The following CCDC141 variants were observed in gnomAD, a reference collection of about 807,000 sequenced individuals.
CCDC141 encodes the protein coiled-coil domain-containing protein 141.
In CCDC141, 168 loss-of-function variants were observed where a neutral mutation model predicts 181.0. That is an observed-to-expected ratio of 0.93 (90% CI 0.82 to 1.05). CCDC141 has a LOEUF of 1.05. CCDC141 is among the 50% of genes least tolerant of loss of function. The pLI, the probability that CCDC141 is intolerant of heterozygous loss-of-function variation, is 0.00. For synonymous variants in CCDC141, 666 were observed against 642.3 expected (o/e 1.04, Z -0.56); for missense variants, 1,902 against 1,788.5 (o/e 1.06, Z -1.14).
intron 6 of CCDC141, among the ~76,000 whole-genome samples, chr2:178,920,861 G>T (rs987706401): frequency 1.3e-5 from 2 of 152,124 alleles, no homozygotes; most frequent in African/African-American, 2.4e-5. Context: ...ATGAATACAG[G>T]AGTATAAAAT....
chr2:178,933,912 G>C (rs182012560), intron 6 of CCDC141, among the ~76,000 whole-genome samples: 1 of 152,290 alleles, frequency 6.6e-6, no homozygotes, highest in Admixed American at 6.5e-5. Flanking sequence ...CTCCAGCCAG[G>C]AGTCACTATG....
intron 8 of CCDC141, among the ~76,000 whole-genome samples, chr2:178,894,713 C>T (rs1687324285): frequency 6.6e-6 from 1 of 151,538 alleles, no homozygotes; most frequent in Non-Finnish European, 1.5e-5. Context: ...GAGAGTGCAA[C>T]ACAGAGAGTT....
chr2:178,834,944 T>G (rs1369868232), intron 23 of CCDC141, among the ~76,000 whole-genome samples: 1 of 151,882 alleles, frequency 6.6e-6, no homozygotes, highest in Non-Finnish European at 1.5e-5. Flanking sequence ...AAAACTGAAT[T>G]TTTTGAAATC....
At chr2:179,023,800 C>A (rs1200800097) in intron 2 of CCDC141, among the ~76,000 whole-genome samples, 1 of 152,196 alleles carries the variant, frequency 6.6e-6, no homozygotes, top group East Asian at 1.9e-4. Context: ...GTGCCAAGTG[C>A]AAATGGCCCT....
intron 2 of CCDC141, among the ~76,000 whole-genome samples, chr2:179,015,284 C>CATATATGTA (rs2042442579): frequency 8.9e-6 from 1 of 111,784 alleles, no homozygotes; most frequent in African/African-American, 3.2e-5. Flanking sequence ...TCATCTATCT[C>CATATATGTA]TCATATATCT....
intron 6 of CCDC141, among the ~76,000 whole-genome samples, chr2:178,930,980 T>A (rs1689076311): frequency 6.6e-6 from 1 of 152,208 alleles, no homozygotes; most frequent in African/African-American, 2.4e-5. Context: ...TTAAAACTTT[T>A]ACTTATCAAA....
chr2:178,831,602 T>G lies in CCDC141; in HGVS notation c.*2571A>C, dbSNP rs1196727834. The G allele has an allele frequency of 2.6e-5, 4 of 152,238 alleles. No individual in the cohort carries two copies. The highest frequency in any genetic ancestry group is 2.6e-4 in the Admixed American group (4 of 15,280). 9.4% of individuals were successfully genotyped at this position (152,238 alleles called of 1,614,324 possible). A position where few individuals can be genotyped will look rare whatever the true frequency, so the allele number is the denominator to read the frequency against. ...ACTTAAATTTCCTAGGTCTTACATT[T>G]TTAACCAGTAACTGCAATTGATACT... is the stretch of plus-strand genomic sequence containing the variant. On this transcript the variant is annotated 3_prime_UTR_variant, in exon 24 of 24. Transcript: ENST00000443758.
rs759749130 is a variant in CCDC141, at chr2:178,837,672, C to T, written c.3547G>A (p.Val1183Met). The T allele has an allele frequency of 5.0e-6, 8 of 1,613,972 alleles. No homozygotes were observed. The African/African-American group carries it at 8.0e-5, about 16-fold the overall frequency. Residue 1183 changes from valine to methionine, a missense_variant, in exon 23 of 24, where the codon GTG becomes ATG. Physicochemically the swap from Val to Met is conservative, Grantham distance 21 (BLOSUM62 1). Transcript: ENST00000443758. ...GEERLPQDLK[V>M]STDKEGGVQD... ...ACGCCACCCTCCTTGTCAGTGGACA[C>T]CTTCAGGTCTTGTGGTAGTCGCTCT... is the stretch of plus-strand genomic sequence containing the variant.
At chr2:179,042,434 G>T (rs2043337265) in intron 2 of CCDC141, among the ~76,000 whole-genome samples, 1 of 152,142 alleles carries the variant, frequency 6.6e-6, no homozygotes, top group African/African-American at 2.4e-5. Context: ...TGCAACCTCT[G>T]TCTCCTGGGT....
chr2:178,886,684 G>T, intron 10 of CCDC141, 68 bp downstream of exon 10: 1 of 1,026,918 alleles, frequency 9.7e-7, no homozygotes. Flanking sequence ...TAAGTTTATA[G>T]CTATCAAATA....
intron 2 of CCDC141, among the ~76,000 whole-genome samples, chr2:178,994,748 C>A (rs139158136): frequency 6.6e-6 from 1 of 152,192 alleles, no homozygotes; most frequent in Non-Finnish European, 1.5e-5. Flanking sequence ...CCTTTAACAG[C>A]ACCCAGTCAC....
At chr2:178,984,175 A>C (rs1691590746) in intron 2 of CCDC141, among the ~76,000 whole-genome samples, 1 of 151,860 alleles carries the variant, frequency 6.6e-6, no homozygotes, top group African/African-American at 2.4e-5. Context: ...ATTCTTAAAG[A>C]AAAGAATTTT....
chr2:178,923,109 C>CTT (rs1364126682), intron 6 of CCDC141, among the ~76,000 whole-genome samples: 20 of 125,206 alleles, frequency 1.6e-4, no homozygotes, highest in East Asian at 9.3e-4. Flanking sequence ...TTTTTTTTTT[C>CTT]TTTTTTTTTT....
chr2:178,897,020 T>C (rs1687443622), intron 8 of CCDC141, among the ~76,000 whole-genome samples: 1 of 151,954 alleles, frequency 6.6e-6, no homozygotes, highest in South Asian at 2.1e-4. Context: ...CTTACTATTA[T>C]TGCTCTGCCT....
chr2:178,886,898 T>C (rs1230707232), intron 9 of CCDC141, 27 bp from the exon 10 acceptor site: 1 of 1,310,548 alleles, frequency 7.6e-7, no homozygotes, highest in Non-Finnish European at 9.8e-7. Context: ...TATATGGCAG[T>C]CTTAGTAATA....
chr2:178,873,575 G>A (rs1282612410), intron 12 of CCDC141: 1 of 152,118 alleles, frequency 6.6e-6, no homozygotes, highest in Non-Finnish European at 1.5e-5. Context: ...TAATCAGAAG[G>A]ATATGGTGGT....
At chr2:178,978,845 A>G (rs1175552459) in intron 2 of CCDC141, among the ~76,000 whole-genome samples, 170 bp from the exon 3 acceptor site, 1 of 152,236 alleles carries the variant, frequency 6.6e-6, no homozygotes, top group Non-Finnish European at 1.5e-5. Context: ...AGGAGCGATC[A>G]GGATTGAGGT....
At position 178,837,215 on chromosome 2, in the gene CCDC141, T is replaced by C. The variant is rs1470343667; in HGVS notation, c.4004A>G (p.His1335Arg). 5 of 1,613,960 alleles carry C rather than the reference T, an allele frequency of 3.1e-6. No homozygotes were observed. Among genetic ancestry groups the C allele is most frequent in the Non-Finnish European group, 4.2e-6 (5 of 1,179,958 alleles). The change falls in exon 23 of 24, where the codon CAC becomes CGC. Residue 1335 changes from histidine to arginine, a missense_variant. His to Arg is a conservative substitution (Grantham distance 29, BLOSUM62 0). Transcript: ENST00000443758. ...TAGCAAACCACCCTGAGCCTGAGGG[T>C]GCTGCTGTAAAGCTCTCTCATGCAC... ...SEVHERALQQ[H>R]PQAQGGLLET...
At position 178,869,153 on chromosome 2, in the gene CCDC141, C is replaced by T; in HGVS notation, c.2358G>A (p.Leu786=). ...CTTGATGGAACTGGACCACCTTGTA[C>T]AGGATATCCTCGTAATCCTGGATTC... The part of the protein sequence containing the change: ...KERIQDYEDI[L]YKVVQFHQVK... The change falls in exon 15 of 24, where the codon CTG becomes CTA. Residue 786 remains leucine (L), a synonymous_variant. Coordinates refer to ENST00000443758, the MANE Select transcript of CCDC141 (RefSeq NM_173648.4). 1 of 1,611,686 alleles carries T rather than the reference C, an allele frequency of 6.2e-7. No homozygotes were observed. Among genetic ancestry groups the T allele is most frequent in the Non-Finnish European group, 8.5e-7 (1 of 1,179,130 alleles).
Sources: gnomAD v4.1 joint callset for allele counts (sites outside exome capture counted in the v4.1 genomes callset) on GRCh38, gnomAD v4.1.1 for gene constraint, MANE v1.5 for transcripts, NCBI Gene and HGNC (gene_info 2026-07-23, HGNC 2026-07-21) for gene names.